Variants in ZNF532 observed in about 807,000 individuals in gnomAD.
The protein encoded by ZNF532 is zinc finger protein 532.
ZNF532 carries 22 observed loss-of-function variants against 89.3 expected under a neutral mutation model. The observed-to-expected ratio is 0.25, with a 90% CI of 0.18 to 0.35. The LOEUF is 0.35. Ranked by LOEUF, ZNF532 falls within the 10% of genes least tolerant of loss-of-function variation. ZNF532 has a pLI of 1.00. For missense variants in ZNF532, 1,132 were observed against 1,643.4 expected (o/e 0.69, Z 5.38); for synonymous variants, 606 against 649.6 (o/e 0.93, Z 1.02).
At chr18:58,923,322 C>G (rs927212929) in intron 3 of ZNF532, among the ~76,000 whole-genome samples, 4 of 151,138 alleles carry the variant, frequency 2.6e-5, no homozygotes, top group Admixed American at 6.6e-5. Context: ...CCCTTTCTCA[C>G]TGGATCTAGA....
At chr18:58,929,760 G>A (rs1398817502) in intron 3 of ZNF532, among the ~76,000 whole-genome samples, 1 of 152,202 alleles carries the variant, frequency 6.6e-6, no homozygotes, top group Non-Finnish European at 1.5e-5. Flanking sequence ...CTAGCTCTGT[G>A]AGCAAAAGGC....
At chr18:58,982,832 A>G (rs1322026401) in intron 9 of ZNF532, among the ~76,000 whole-genome samples, 1 of 151,750 alleles carries the variant, frequency 6.6e-6, no homozygotes, top group East Asian at 2.0e-4. Context: ...ATATGTGTGA[A>G]GCCAAGGCGT....
intron 7 of ZNF532, among the ~76,000 whole-genome samples, chr18:58,959,253 G>GTT (rs201150500): frequency 0.032 from 3,840 of 120,038 alleles, 107 homozygotes; most frequent in East Asian, 0.13. Context: ...TCAGTTTTTT[G>GTT]TTTTTTGTTT....
chr18:58,979,015 A>AT (rs2067386682), intron 7 of ZNF532, 40 bp from the exon 8 acceptor site: 5 of 1,518,466 alleles, frequency 3.3e-6, no homozygotes, highest in Non-Finnish European at 3.6e-6. Context: ...GAGTGCATCT[A>AT]TTTTCATTCC....
At chr18:58,899,706 A>T (rs991533212) in intron 2 of ZNF532, among the ~76,000 whole-genome samples, 1 of 152,148 alleles carries the variant, frequency 6.6e-6, no homozygotes, top group Non-Finnish European at 1.5e-5. Flanking sequence ...CGACTTCATG[A>T]TCTGCCTGCC....
intron 2 of ZNF532, chr18:58,916,608 C>A: frequency 1.7e-6 from 1 of 599,200 alleles, no homozygotes; most frequent in Non-Finnish European, 2.1e-6. Context: ...TTAACCGAGA[C>A]AGGTGTGAAT....
chr18:58,922,605 C>T (rs1344345803), intron 3 of ZNF532, among the ~76,000 whole-genome samples: 1 of 152,210 alleles, frequency 6.6e-6, no homozygotes, highest in African/African-American at 2.4e-5. Flanking sequence ...CCCATCTTGA[C>T]ACCGCTTCAT....
chr18:58,936,654 A>AT (rs1452297372), intron 4 of ZNF532, among the ~76,000 whole-genome samples: 1 of 152,044 alleles, frequency 6.6e-6, no homozygotes, highest in Non-Finnish European at 1.5e-5. Flanking sequence ...TTAAGTGTAG[A>AT]TTTTTTTCTC....
At chr18:58,949,583 G>T (rs1465148123) in intron 6 of ZNF532, among the ~76,000 whole-genome samples, 1 of 152,172 alleles carries the variant, frequency 6.6e-6, no homozygotes, top group East Asian at 1.9e-4. Flanking sequence ...GGCTGAGGCA[G>T]GAGAATCACT....
At chr18:58,888,329 T>C (rs1217299917) in intron 2 of ZNF532, among the ~76,000 whole-genome samples, 3 of 152,186 alleles carry the variant, frequency 2.0e-5, no homozygotes, top group Admixed American at 1.3e-4. Flanking sequence ...TGTCACGTTT[T>C]CTAATTTTAT....
At chr18:58,874,020 C>T (rs1187204400) in intron 2 of ZNF532, among the ~76,000 whole-genome samples, 1 of 152,052 alleles carries the variant, frequency 6.6e-6, no homozygotes, top group East Asian at 1.9e-4. Context: ...ATGTGGTGAG[C>T]CCTTCCTACA....
chr18:58,895,524 C>T (rs942583810), intron 2 of ZNF532, among the ~76,000 whole-genome samples: 4 of 152,220 alleles, frequency 2.6e-5, no homozygotes, highest in Non-Finnish European at 5.9e-5. Flanking sequence ...TCCTTTGTTC[C>T]TAATGTCTAC....
intron 7 of ZNF532, among the ~76,000 whole-genome samples, chr18:58,978,750 A>G (rs1020032997): frequency 6.6e-6 from 1 of 152,228 alleles, no homozygotes; most frequent in East Asian, 1.9e-4. Flanking sequence ...GGAATATTCA[A>G]ATATACATAA....
intron 2 of ZNF532, among the ~76,000 whole-genome samples, chr18:58,904,604 A>G (rs2059808328): frequency 6.6e-6 from 1 of 152,180 alleles, no homozygotes; most frequent in African/African-American, 2.4e-5. Flanking sequence ...TGTGATCCCT[A>G]TAACCAAATT....
chr18:58,911,349 A>G (rs1357348962), intron 2 of ZNF532, among the ~76,000 whole-genome samples: 1 of 152,202 alleles, frequency 6.6e-6, no homozygotes, highest in Non-Finnish European at 1.5e-5. Flanking sequence ...AGACCTCTTG[A>G]CTGGTGACTA....
intron 3 of ZNF532, among the ~76,000 whole-genome samples, chr18:58,925,887 T>C (rs774383875): frequency 3.6e-4 from 55 of 152,232 alleles, no homozygotes; most frequent in Non-Finnish European, 7.5e-4. Context: ...CTTTGTCAAG[T>C]ATCAGTTAGG....
At chr18:58,887,598 G>A (rs1379320098) in intron 2 of ZNF532, among the ~76,000 whole-genome samples, 1 of 152,150 alleles carries the variant, frequency 6.6e-6, no homozygotes, top group African/African-American at 2.4e-5. Flanking sequence ...GGAGAAGAGG[G>A]GAAGAAAGAA....
intron 7 of ZNF532, among the ~76,000 whole-genome samples, chr18:58,966,753 T>C (rs2065962079): frequency 6.7e-6 from 1 of 149,814 alleles, no homozygotes; most frequent in African/African-American, 2.5e-5. Context: ...TTTTTTTTTT[T>C]TTTTTTTCTT....
intron 2 of ZNF532, among the ~76,000 whole-genome samples, chr18:58,878,658 G>C (rs905963881): frequency 6.6e-6 from 1 of 152,236 alleles, no homozygotes; most frequent in Non-Finnish European, 1.5e-5. Flanking sequence ...ATTGGGAGAG[G>C]CAGTAGCTCC....
Sources: allele counts gnomAD v4.1 joint callset (sites outside exome capture counted in the v4.1 genomes callset), GRCh38; gene constraint gnomAD v4.1.1; transcripts MANE v1.5; gene names NCBI Gene and HGNC (gene_info 2026-07-23, HGNC 2026-07-21).